The following TBC1D12 variants were observed in gnomAD, a reference collection of about 807,000 sequenced individuals.
TBC1D12 encodes TBC1 domain family member 12.
In TBC1D12, 56 loss-of-function variants were observed where a neutral mutation model predicts 86.7. The observed-to-expected ratio is 0.65, with a 90% CI of 0.52 to 0.81. The LOEUF is 0.81. Ranked by LOEUF, TBC1D12 falls within the 30% of genes least tolerant of loss-of-function variation. The probability of loss-of-function intolerance (pLI) is 0.00; values close to 1 mark genes in which losing one functional copy is unlikely to be tolerated. For synonymous variants in TBC1D12, 421 were observed against 411.7 expected (o/e 1.02, Z -0.27); for missense variants, 1,023 against 1,038.8 (o/e 0.98, Z 0.21).
intron 1 of TBC1D12, among the ~76,000 whole-genome samples, chr10:94,407,045 G>C (rs1464100281): frequency 1.4e-5 from 2 of 146,882 alleles, no homozygotes; most frequent in Admixed American, 6.7e-5. Flanking sequence ...AAATCTATAC[G>C]AGAAACCTTA....
rs866508557 is a variant in TBC1D12 at position 94,402,556 on chromosome 10, C to T, written c.-58C>T. The stretch of plus-strand genomic sequence containing the variant: ...CCCAGCACCCAGAGCTGTTCTCTGG[C>T]CAAGCCTGCGCCTGTAGTCCTTCTT... On this transcript the variant is annotated 5_prime_UTR_variant, in exon 1 of 13. Transcript: ENST00000225235. 9 of 1,590,010 alleles carry T rather than the reference C, an allele frequency of 5.7e-6. No homozygotes were observed. The highest frequency in any genetic ancestry group is 5.2e-5 in the Admixed American group (3 of 57,878).
intron 1 of TBC1D12, among the ~76,000 whole-genome samples, chr10:94,419,444 G>A (rs2055046030): frequency 6.6e-6 from 1 of 152,134 alleles, no homozygotes; most frequent in African/African-American, 2.4e-5. Context: ...GGAAGCCCAG[G>A]TGGGTGGATC....
At chr10:94,465,768 G>GTATACGCATACATACATACATACA (rs1564960438) in intron 2 of TBC1D12, among the ~76,000 whole-genome samples, 2 of 148,300 alleles carry the variant, frequency 1.3e-5, no homozygotes, top group African/African-American at 5.1e-5. Context: ...ACATACATAC[G>GTATACGCATACATACATACATACA]TATACGCATA....
Position 94,465,774 on chromosome 10 carries a change from G to GCATA in TBC1D12, c.1096-8881_1096-8878dup, listed in dbSNP as rs377073976. On this transcript the variant is annotated intron_variant, in intron 2 of 12. Coordinates refer to ENST00000225235, the MANE Select transcript of TBC1D12 (RefSeq NM_015188.2). ...CATATGTATACATACATACGTATACGCATACATACATACATATACGCATAC... is the reference window on the plus strand; with the variant it reads ...CATATGTATACATACATACGTATACGCATACATACATACATACATATACGCATAC... Among the ~76,000 whole-genome samples, 664 of 145,562 alleles carry GCATA rather than the reference G, an allele frequency of 4.6e-3. 6 individuals carry two copies. Among genetic ancestry groups the GCATA allele is most frequent in the African/African-American group, 0.016 (604 of 38,916 alleles).
Position 94,521,987 on chromosome 10 carries a change from C to A in TBC1D12, c.1794C>A (p.Leu598=). The stretch of plus-strand genomic sequence containing the variant: ...GGATGTCCTTCATTGCAGCAGTACT[C>A]ATTCTCAATTTGGAAGAGGCAGATG... The part of the protein sequence containing the change: ...VQGMSFIAAV[L]ILNLEEADAF... The change falls in exon 10 of 13, where the codon CTC becomes CTA. Residue 598 remains leucine (L), a synonymous_variant. Transcript: ENST00000225235. 6.2e-7 allele frequency: 1 copy of A among 1,612,098 alleles called. No individual in the cohort carries two copies. Among genetic ancestry groups the A allele is most frequent in the Non-Finnish European group, 8.5e-7 (1 of 1,178,682 alleles).
chr10:94,483,738 T>TTTTG (rs1006682342), intron 3 of TBC1D12, among the ~76,000 whole-genome samples: 1 of 152,114 alleles, frequency 6.6e-6, no homozygotes, highest in African/African-American at 2.4e-5. Flanking sequence ...TTTTGTTTTT[T>TTTTG]TTTGTTTGTT....
At chr10:94,483,045 T>TTG (rs2056101490) in intron 3 of TBC1D12, among the ~76,000 whole-genome samples, 1 of 149,412 alleles carries the variant, frequency 6.7e-6, no homozygotes, top group African/African-American at 2.5e-5. Context: ...TCTTCTTTTT[T>TTG]TTTTTTTTTT....
At chr10:94,459,502 C>G (rs1012826857) in intron 2 of TBC1D12, among the ~76,000 whole-genome samples, 1 of 152,228 alleles carries the variant, frequency 6.6e-6, no homozygotes, top group Admixed American at 6.5e-5. Context: ...CCGCATTCCT[C>G]AGCCCTTGGA....
intron 2 of TBC1D12, among the ~76,000 whole-genome samples, chr10:94,464,446 T>C (rs756733208): frequency 2.0e-5 from 3 of 152,216 alleles, no homozygotes; most frequent in Non-Finnish European, 2.9e-5. Flanking sequence ...TCAAACATCT[T>C]AGTCTCATGA....
At chr10:94,528,587 C>T (rs928030271) in intron 11 of TBC1D12, among the ~76,000 whole-genome samples, 2 of 151,906 alleles carry the variant, frequency 1.3e-5, no homozygotes, top group African/African-American at 2.4e-5. Flanking sequence ...TTTGGGAGGC[C>T]GAGGCGGGTG....
chr10:94,458,750 G>C, intron 2 of TBC1D12, among the ~76,000 whole-genome samples: 1 of 152,070 alleles, frequency 6.6e-6, no homozygotes, highest in East Asian at 1.9e-4. Context: ...GCTCTTAAAG[G>C]TGGTGCGTCT....
intron 2 of TBC1D12, among the ~76,000 whole-genome samples, chr10:94,454,710 G>A (rs2055599689): frequency 6.6e-6 from 1 of 152,154 alleles, no homozygotes; most frequent in Non-Finnish European, 1.5e-5. Context: ...GTAAGAAAGT[G>A]ATTGACTTTT....
intron 1 of TBC1D12, among the ~76,000 whole-genome samples, chr10:94,421,825 A>G (rs1333296230): frequency 1.3e-5 from 2 of 152,186 alleles, no homozygotes; most frequent in African/African-American, 4.8e-5. Context: ...TTTGTATACC[A>G]TCTTTGCAAA....
intron 1 of TBC1D12, among the ~76,000 whole-genome samples, chr10:94,415,242 T>C (rs2054982826): frequency 6.6e-6 from 1 of 152,244 alleles, no homozygotes; most frequent in Non-Finnish European, 1.5e-5. Flanking sequence ...GTAGTTTCTG[T>C]ATTTTTGAAG....
At chr10:94,469,329 T>C (rs2055869077) in intron 2 of TBC1D12, among the ~76,000 whole-genome samples, 1 of 152,172 alleles carries the variant, frequency 6.6e-6, no homozygotes. Context: ...CTCAGGTTAT[T>C]GTTCTTTTCC....
At chr10:94,472,647 G>A (rs992964103) in intron 2 of TBC1D12, among the ~76,000 whole-genome samples, 6 of 152,066 alleles carry the variant, frequency 3.9e-5, no homozygotes, top group Non-Finnish European at 8.8e-5. Context: ...AAAAACATGA[G>A]CAGAAAAGGG....
chr10:94,464,706 T>G (rs2134127674), intron 2 of TBC1D12, among the ~76,000 whole-genome samples: 1 of 152,346 alleles, frequency 6.6e-6, no homozygotes, highest in Middle Eastern at 3.4e-3. Context: ...GGTTTTTGTT[T>G]ATGGGATTAT....
chr10:94,406,803 C>T (rs987144277), intron 1 of TBC1D12, among the ~76,000 whole-genome samples: 3 of 152,212 alleles, frequency 2.0e-5, no homozygotes. Context: ...GCAACCCTTA[C>T]TCCCACTTCA....
At chr10:94,483,360 C>A (rs2056107290) in intron 3 of TBC1D12, among the ~76,000 whole-genome samples, 1 of 152,178 alleles carries the variant, frequency 6.6e-6, no homozygotes, top group Non-Finnish European at 1.5e-5. Flanking sequence ...AGTGGTTGTA[C>A]TAATTTCCAT....
Sources: gnomAD v4.1 joint callset for allele counts (sites outside exome capture counted in the v4.1 genomes callset) on GRCh38, gnomAD v4.1.1 for gene constraint, MANE v1.5 for transcripts, NCBI Gene and HGNC (gene_info 2026-07-23, HGNC 2026-07-21) for gene names.